The following GON4L variants were observed in gnomAD, a reference collection of about 807,000 sequenced individuals.
GON4L encodes the protein gon-4 like.
GON4L carries 87 observed loss-of-function variants against 211.8 expected under a neutral mutation model. That is an observed-to-expected ratio of 0.41 (90% CI 0.35 to 0.49). The LOEUF is 0.49. Ranked by LOEUF, GON4L falls within the 20% of genes least tolerant of loss-of-function variation. The pLI is 0.15. For missense variants in GON4L, 2,155 were observed against 2,659.5 expected (o/e 0.81, Z 4.17); for synonymous variants, 875 against 962.6 (o/e 0.91, Z 1.68).
intron 10 of GON4L, among the ~76,000 whole-genome samples, chr1:155,808,957 A>G (rs1179012197): frequency 2.0e-5 from 3 of 151,982 alleles, no homozygotes; most frequent in African/African-American, 7.3e-5. Context: ...ACTATTACCC[A>G]TGCTGGAGTA....
intron 2 of GON4L, among the ~76,000 whole-genome samples, chr1:155,835,825 G>T (rs928606838): frequency 6.6e-6 from 1 of 152,162 alleles, no homozygotes; most frequent in African/African-American, 2.4e-5. Flanking sequence ...CTTCCAGTGC[G>T]AAGCCAAGAA....
chr1:155,807,258 G>A (rs1365576190), intron 10 of GON4L, among the ~76,000 whole-genome samples: 1 of 152,034 alleles, frequency 6.6e-6, no homozygotes, highest in Non-Finnish European at 1.5e-5. Flanking sequence ...AAGTTAGATG[G>A]GAGTGGTGGC....
intron 2 of GON4L, among the ~76,000 whole-genome samples, chr1:155,830,341 G>C (rs556233041): frequency 6.6e-6 from 1 of 151,316 alleles, no homozygotes; most frequent in Non-Finnish European, 1.5e-5. Context: ...GCAATGGCAC[G>C]ATCTCAGCTC....
At chr1:155,775,518 G>A (rs567278039) in intron 16 of GON4L, among the ~76,000 whole-genome samples, 5 of 151,156 alleles carry the variant, frequency 3.3e-5, no homozygotes, top group Admixed American at 2.0e-4. Flanking sequence ...GTAGTGGTGC[G>A]ATCTTGACTC....
At chr1:155,856,637 C>G (rs573321321) in intron 1 of GON4L, among the ~76,000 whole-genome samples, 41 of 149,078 alleles carry the variant, frequency 2.8e-4, no homozygotes, top group Admixed American at 2.6e-3. Flanking sequence ...AACTAAAGCT[C>G]AATAAAACAT....
Position 155,750,621 on chromosome 1 carries a change from T to C in GON4L, c.6689A>G (p.His2230Arg), listed in dbSNP as rs1173548894. 6.3e-7 allele frequency: 1 copy of C among 1,587,002 alleles called. No individual in the cohort carries two copies. Among genetic ancestry groups the C allele is most frequent in the East Asian group, 2.2e-5 (1 of 44,644 alleles). Reference sequence around the variant, plus strand: ...CTCCTCTTCAGACAGAAGGTCCCCATGGTCAGACAGCTGGTCTGCATTGCT... The same window carrying C: ...CTCCTCTTCAGACAGAAGGTCCCCACGGTCAGACAGCTGGTCTGCATTGCT... ...STSNADQLSD[H>R]GDLLSEEELD... Residue 2230 changes from histidine to arginine, a missense_variant, in exon 32 of 32, where the codon CAT becomes CGT. By Grantham distance (29) the His-to-Arg change is conservative. This residue lies in a region of GON4L where 186 missense variants were observed against 308.1 expected (regional missense o/e 0.60). Transcript: ENST00000368331.
At position 155,752,289 on chromosome 1, in the gene GON4L, A is replaced by T; in HGVS notation, c.6144T>A (p.Pro2048=). Residue 2048 remains proline, a synonymous_variant, in exon 30 of 32, where the codon CCT becomes CCA. Transcript: ENST00000368331. The stretch of plus-strand genomic sequence containing the variant: ...AGGAAACAGGACTCAGGAAGGAAGC[A>T]GGGGGTTCCACGGTACCAGGCAATT... ...TEKLPGTVEP[P]ASFLSPVSSK... is the part of the protein sequence containing the mutation. The T allele has an allele frequency of 6.3e-7, 1 of 1,585,078 alleles. No homozygotes were observed. The highest frequency in any genetic ancestry group is 1.1e-5 in the South Asian group (1 of 90,426).
Position 155,765,651 on chromosome 1 carries a change from T to G in GON4L, c.3822A>C (p.Ala1274=). 2 of 1,614,214 alleles carry G rather than the reference T, an allele frequency of 1.2e-6. No individual in the cohort carries two copies. Among genetic ancestry groups the G allele is most frequent in the Non-Finnish European group, 1.7e-6 (2 of 1,180,036 alleles). ...KVEHSPGPPL[A]DAECQEGLSE... is the part of the protein sequence containing the mutation. ...ACAATCCTTCTTGGCACTCTGCATC[T>G]GCTAGTGGAGGCCCTGGGCTATGTT... Residue 1274 remains alanine, a synonymous_variant, in exon 21 of 32, where the codon GCA becomes GCC. Transcript: ENST00000368331.
intron 3 of GON4L, among the ~76,000 whole-genome samples, chr1:155,824,997 A>C (rs1464965305): frequency 1.3e-5 from 2 of 151,696 alleles, no homozygotes; most frequent in Non-Finnish European, 2.9e-5. Flanking sequence ...AATAATAATA[A>C]TAAAATAAAA....
chr1:155,849,068 A>C (rs142370426), intron 2 of GON4L, among the ~76,000 whole-genome samples: 3,731 of 148,106 alleles, frequency 0.025, 86 homozygotes, highest in Non-Finnish European at 0.038. Flanking sequence ...GAATCGCTTG[A>C]ACCCGGGAAG....
rs1414129344 is a variant in GON4L, at chr1:155,773,191, C to T, written c.2370G>A (p.Leu790=). The T allele has an allele frequency of 4.6e-5, 74 of 1,613,910 alleles. No individual in the cohort carries two copies. Among genetic ancestry groups the T allele is most frequent in the Non-Finnish European group, 6.3e-5 (74 of 1,179,962 alleles). ...VKKTANEFPC[L]PKQVAWILAT... is the part of the protein sequence containing the mutation. ...CCAGAATCCAAGCCACTTGCTTTGGCAAACAGGGAAATTCATTCGCTATAA... is the reference window on the plus strand; with the variant it reads ...CCAGAATCCAAGCCACTTGCTTTGGTAAACAGGGAAATTCATTCGCTATAA... The change falls in exon 18 of 32, where the codon TTG becomes TTA. Residue 790 remains leucine, a synonymous_variant. Transcript: ENST00000368331.
intron 27 of GON4L, among the ~76,000 whole-genome samples, chr1:155,755,972 C>G (rs997859252): frequency 7.3e-6 from 1 of 136,612 alleles, no homozygotes; most frequent in Admixed American, 7.3e-5. Context: ...TCAGGAAACA[C>G]GAATTAAAAA....
downstream of GON4L, chr1:155,748,116 C>T: frequency 1.2e-6 from 2 of 1,603,228 alleles, no homozygotes; most frequent in South Asian, 2.2e-5. Flanking sequence ...CTTCCCTTAC[C>T]TGCATTATGA....
chr1:155,845,087 A>G (rs1257504858), intron 2 of GON4L, among the ~76,000 whole-genome samples: 2 of 152,178 alleles, frequency 1.3e-5, no homozygotes, highest in Non-Finnish European at 2.9e-5. Context: ...ACCCTGTAAG[A>G]TTGAAGGGGA....
chr1:155,811,494 G>A (rs1430042031), intron 10 of GON4L, among the ~76,000 whole-genome samples: 2 of 150,338 alleles, frequency 1.3e-5, no homozygotes, highest in African/African-American at 2.4e-5. Context: ...ATTGGCTCAC[G>A]TCTGTAATCC....
At chr1:155,789,916 C>T (rs759774412) in intron 12 of GON4L, among the ~76,000 whole-genome samples, 1 of 152,070 alleles carries the variant, frequency 6.6e-6, no homozygotes. Context: ...AATGTAAATG[C>T]TTGTTATACC....
chr1:155,768,136 C>A (rs1662740626), intron 19 of GON4L, among the ~76,000 whole-genome samples: 1 of 151,888 alleles, frequency 6.6e-6, no homozygotes, highest in Non-Finnish European at 1.5e-5. Context: ...AACCCCTATT[C>A]CTACAAAAAT....
At chr1:155,778,505 C>A (rs1244400310) in intron 14 of GON4L, among the ~76,000 whole-genome samples, 1 of 152,202 alleles carries the variant, frequency 6.6e-6, no homozygotes, top group Non-Finnish European at 1.5e-5. Flanking sequence ...CCCATCTCGG[C>A]TTCCCAAAGT....
chr1:155,827,116 A>G (rs1669284389), intron 2 of GON4L, 88 bp from the exon 3 acceptor site: 2 of 984,228 alleles, frequency 2.0e-6, no homozygotes, highest in Non-Finnish European at 3.3e-6. Context: ...TAGTGTTTTT[A>G]GGTAGACAAC....
Sources: allele counts gnomAD v4.1 joint callset (sites outside exome capture counted in the v4.1 genomes callset), GRCh38; gene constraint gnomAD v4.1.1; regional missense constraint gnomAD v4.1.1; transcripts MANE v1.5; gene names NCBI Gene and HGNC (gene_info 2026-07-23, HGNC 2026-07-21).